The following RNF130 variants were observed in gnomAD, a reference collection of about 807,000 sequenced individuals.
The protein encoded by RNF130 is ring finger protein 130, also known as E3 ubiquitin-protein ligase RNF130.
Under a neutral mutation model 44.6 loss-of-function variants are expected in RNF130, and 21 were observed. That is an observed-to-expected ratio of 0.47 (90% confidence interval 0.33 to 0.68). RNF130 has a LOEUF of 0.68. Ranked by LOEUF, RNF130 falls within the 30% of genes least tolerant of loss-of-function variation. The probability of loss-of-function intolerance (pLI) is 0.02; values close to 1 mark genes in which losing one functional copy is unlikely to be tolerated. For missense variants in RNF130, 479 were observed against 560.6 expected (o/e 0.85, Z 1.47); for synonymous variants, 214 against 210.4 (o/e 1.02, Z -0.15).
chr5:180,021,620 A>G (rs1362241706), intron 2 of RNF130, among the ~76,000 whole-genome samples: 1 of 151,940 alleles, frequency 6.6e-6, no homozygotes, highest in East Asian at 1.9e-4. Flanking sequence ...TTTAAAAATA[A>G]TAATAATTAT....
At chr5:179,960,607 C>T (rs1440064910) in intron 8 of RNF130, among the ~76,000 whole-genome samples, 3 of 152,214 alleles carry the variant, frequency 2.0e-5, no homozygotes, top group African/African-American at 7.2e-5. Flanking sequence ...ATCTTGCCCA[C>T]AGGGTTTCAA....
chr5:180,024,704 C>T (rs1256480905), intron 2 of RNF130, among the ~76,000 whole-genome samples: 4 of 152,168 alleles, frequency 2.6e-5, no homozygotes, highest in African/African-American at 9.7e-5. Context: ...CAAACGGAAA[C>T]TTGGAAATTC....
At chr5:180,003,851 T>C (rs894050058) in intron 3 of RNF130, among the ~76,000 whole-genome samples, 3 of 152,192 alleles carry the variant, frequency 2.0e-5, no homozygotes, top group African/African-American at 7.2e-5. Flanking sequence ...GTGTGGTCCA[T>C]GGGGCAGATG....
chr5:180,011,401 AAT>A (rs986549441), intron 3 of RNF130, among the ~76,000 whole-genome samples: 7 of 152,234 alleles, frequency 4.6e-5, no homozygotes, highest in African/African-American at 1.7e-4. Context: ...GTTTTTATAA[AAT>A]ATATAACAAA....
At chr5:180,018,419 C>CAGGAGAG (rs1353095124) in intron 2 of RNF130, among the ~76,000 whole-genome samples, 1 of 152,116 alleles carries the variant, frequency 6.6e-6, no homozygotes, top group African/African-American at 2.4e-5. Context: ...CACAGGGCAG[C>CAGGAGAG]AGGAGAGAGA....
At chr5:179,992,435 C>T (rs1289317111) in intron 3 of RNF130, among the ~76,000 whole-genome samples, 2 of 152,250 alleles carry the variant, frequency 1.3e-5, no homozygotes, top group South Asian at 2.1e-4. Context: ...AGCCACCACG[C>T]CCGGCCCTAA....
chr5:180,055,472 G>A (rs10464097), intron 1 of RNF130, among the ~76,000 whole-genome samples: 88,053 of 151,432 alleles, frequency 0.58, 25,943 homozygotes, highest in South Asian at 0.74. Flanking sequence ...GTGTGTGTGC[G>A]CGCGCGCACG....
chr5:180,063,723 AT>A lies in RNF130; in HGVS notation c.247+7732del, dbSNP rs1164203901. Among the ~76,000 whole-genome samples, 3 of 152,212 alleles carry A rather than the reference AT, an allele frequency of 2.0e-5. No homozygotes were observed. The East Asian group carries it at 5.8e-4, about 29-fold the overall frequency. ...AAGTGCCCATTTGGTTTTTCTTAAC[AT>A]GTCTGATCTCAAACCTAAGACTTTT... On this transcript the variant is annotated intron_variant, in intron 1 of 8. Coordinates refer to ENST00000521389, the MANE Select transcript of RNF130 (RefSeq NM_018434.6).
intron 1 of RNF130, among the ~76,000 whole-genome samples, chr5:180,049,852 C>T (rs945546901): frequency 7.2e-5 from 11 of 151,900 alleles, no homozygotes; most frequent in Non-Finnish European, 1.2e-4. Flanking sequence ...ATATATTGAC[C>T]GAATTTCATT....
intron 3 of RNF130, among the ~76,000 whole-genome samples, chr5:179,994,574 T>C (rs911638081): frequency 6.6e-6 from 1 of 152,204 alleles, no homozygotes; most frequent in African/African-American, 2.4e-5. Context: ...GTGTGTTCAG[T>C]AGCAAATATT....
At chr5:180,022,519 G>C (rs1279460315) in intron 2 of RNF130, among the ~76,000 whole-genome samples, 1 of 152,166 alleles carries the variant, frequency 6.6e-6, no homozygotes, top group East Asian at 1.9e-4. Flanking sequence ...TCAGTATCAA[G>C]AGTAGCATGA....
chr5:180,042,954 T>C (rs1764460643), intron 1 of RNF130, among the ~76,000 whole-genome samples: 1 of 152,240 alleles, frequency 6.6e-6, no homozygotes, highest in African/African-American at 2.4e-5. Flanking sequence ...CTCCCATCTT[T>C]AATTTGTACT....
chr5:179,951,508 C>T (rs868204803), downstream of RNF130, among the ~76,000 whole-genome samples: 8 of 151,984 alleles, frequency 5.3e-5, no homozygotes, highest in East Asian at 1.9e-4. Flanking sequence ...CTCAGCCTCC[C>T]GAGTAGCTGG....
chr5:179,976,347 G>C (rs17673520), intron 5 of RNF130, among the ~76,000 whole-genome samples: 1,593 of 152,260 alleles, frequency 0.01, 14 homozygotes, highest in Middle Eastern at 0.02. Flanking sequence ...AGTTTTAGGT[G>C]CCATATGGTT....
chr5:179,980,987 T>C (rs248258), intron 3 of RNF130, among the ~76,000 whole-genome samples: 72,069 of 151,488 alleles, frequency 0.48, 18,322 homozygotes, highest in African/African-American at 0.68. Flanking sequence ...AGGAGGCGAC[T>C]AGGAGGGGTG....
intron 2 of RNF130, among the ~76,000 whole-genome samples, chr5:180,013,831 C>T (rs1763652236): frequency 6.6e-6 from 1 of 152,130 alleles, no homozygotes; most frequent in African/African-American, 2.4e-5. Flanking sequence ...AGAACTAGTG[C>T]CAGGAACAAA....
chr5:179,945,969 G>A (rs545205162), intron 7 of RNF130, among the ~76,000 whole-genome samples: 101 of 152,276 alleles, frequency 6.6e-4, no homozygotes, highest in African/African-American at 2.3e-3. Context: ...CACTCCCCAC[G>A]GCCGCATCTG....
Position 179,981,720 on chromosome 5 carries a change from C to A in RNF130, c.694-1520G>T, listed in dbSNP as rs145299309. The stretch of plus-strand genomic sequence containing the variant: ...TAATCAACATTATCCAATACTCACA[C>A]TATACTACAATTTCCCTAGGTGTTT... On this transcript the variant is annotated intron_variant, in intron 3 of 8. Transcript: ENST00000521389. Among the ~76,000 whole-genome samples, 514 of 152,334 alleles carry A rather than the reference C, an allele frequency of 3.4e-3. 3 individuals are homozygous for A. Among genetic ancestry groups the A allele is most frequent in the African/African-American group, 0.011 (448 of 41,566 alleles).
intron 7 of RNF130, among the ~76,000 whole-genome samples, chr5:179,927,718 A>G (rs903954714): frequency 1.3e-5 from 2 of 150,048 alleles, no homozygotes; most frequent in Non-Finnish European, 2.9e-5. Context: ...TCTCCTGAGT[A>G]TGGGACTACA....
Sources: allele counts gnomAD v4.1 joint callset (sites outside exome capture counted in the v4.1 genomes callset), GRCh38; gene constraint gnomAD v4.1.1; transcripts MANE v1.5; gene names NCBI Gene and HGNC (gene_info 2026-07-23, HGNC 2026-07-21).